The following USP47 variants were observed in gnomAD, a reference collection of about 807,000 sequenced individuals.
USP47 encodes the protein ubiquitin carboxyl-terminal hydrolase 47.
In USP47, 35 loss-of-function variants were observed where a neutral mutation model predicts 165.1. That is an observed-to-expected ratio of 0.21 (90% CI 0.16 to 0.28). The LOEUF is 0.28. Among genes scored for constraint, USP47 ranks in the 10% least tolerant of loss-of-function variants. The pLI is 1.00. For missense variants in USP47, 1,277 were observed against 1,607.4 expected, an observed-to-expected ratio of 0.79 and a Z score of 3.52; for synonymous variants, 531 against 544.5, an observed-to-expected ratio of 0.98 and a Z score of 0.35.
rs1264702593 is a variant in USP47, at chr11:11,880,290, A to G, written c.153A>G (p.Arg51=). The G allele has an allele frequency of 7.0e-7, 1 of 1,426,168 alleles. No individual in the cohort carries two copies. The highest frequency in any genetic ancestry group is 2.8e-5 in the East Asian group (1 of 35,290). The allele number at this position is 1,426,168 out of a possible 1,614,324, so 88.3% of individuals were successfully genotyped here. ...ATTTACCAGCATCTACTCCAGTCAG[A>G]AAGCTCTTTGAAGATGTGGCCAACA... ...TLNLPASTPV[R]KLFEDVANKV... The change falls in exon 2 of 28, where the codon AGA becomes AGG. Residue 51 remains arginine, a synonymous_variant. Transcript: ENST00000527733.
Position 11,958,412 on chromosome 11 carries a change from T to C in USP47, c.*2237T>C, listed in dbSNP as rs1207353980. On this transcript the variant is annotated 3_prime_UTR_variant, in exon 28 of 28. Coordinates refer to ENST00000527733, the MANE Select transcript of USP47 (RefSeq NM_001282659.2). ...AGAGTGAAAACACAAAGTTGCACTT[T>C]AATAATTTCAATAAAAGCTAATCTG... is the stretch of plus-strand genomic sequence containing the variant. 1 of 152,246 alleles carries C rather than the reference T, an allele frequency of 6.6e-6. No individual in the cohort carries two copies. Among genetic ancestry groups the C allele is most frequent in the Non-Finnish European group, 1.5e-5 (1 of 68,044 alleles). The allele number at this position is 152,246 out of a possible 1,614,324, so 9.4% of individuals were successfully genotyped here.
At chr11:11,917,804 C>T (rs767573509) in intron 8 of USP47, among the ~76,000 whole-genome samples, 2 of 152,140 alleles carry the variant, frequency 1.3e-5, no homozygotes, top group Non-Finnish European at 2.9e-5. Context: ...ACAGTAATTA[C>T]ACAGTAGTGA....
intron 11 of USP47, among the ~76,000 whole-genome samples, chr11:11,925,454 A>G (rs543523568): frequency 6.6e-6 from 1 of 152,090 alleles, no homozygotes; most frequent in South Asian, 2.1e-4. Context: ...CTCCTTGGTT[A>G]AGTTTATTCC....
intron 1 of USP47, among the ~76,000 whole-genome samples, chr11:11,855,081 C>T (rs534181178): frequency 4.3e-4 from 64 of 148,794 alleles, no homozygotes; most frequent in African/African-American, 1.5e-3. Context: ...GGCGACAGAG[C>T]GAGACTCCGT....
At chr11:11,936,613 G>T in intron 17 of USP47, 103 bp downstream of exon 17, 1 of 959,740 alleles carries the variant, frequency 1.0e-6, no homozygotes. Flanking sequence ...TTTTGTATAT[G>T]GTCTTAAAAT....
intron 5 of USP47, 32 bp downstream of exon 5, chr11:11,897,725 T>C: frequency 2.1e-6 from 3 of 1,429,286 alleles, no homozygotes; most frequent in Non-Finnish European, 2.9e-6. Context: ...ATACATAAAA[T>C]TGATTTAAGA....
intron 3 of USP47, chr11:11,884,810 A>ATAC (rs1446986085): frequency 2.7e-6 from 1 of 377,314 alleles, no homozygotes; most frequent in African/African-American, 2.1e-5. Flanking sequence ...GATTTAACAT[A>ATAC]TACTGCTGTC....
intron 14 of USP47, among the ~76,000 whole-genome samples, 157 bp from the exon 15 acceptor site, chr11:11,932,847 C>A (rs1241354149): frequency 6.6e-6 from 1 of 151,988 alleles, no homozygotes; most frequent in Admixed American, 6.6e-5. Flanking sequence ...CTTTTCTGGA[C>A]GAAGCTTGTA....
At chr11:11,884,402 A>G (rs958683838) in intron 2 of USP47, 65 bp from the exon 3 acceptor site, 59 of 1,145,142 alleles carry the variant, frequency 5.2e-5, no homozygotes, top group Admixed American at 2.8e-4. Flanking sequence ...GTAGATATGT[A>G]TCTATTTACA....
At chr11:11,948,429 GT>G in intron 21 of USP47, 48 bp from the exon 22 acceptor site, 1 of 1,498,108 alleles carries the variant, frequency 6.7e-7, no homozygotes, top group Middle Eastern at 1.7e-4. Flanking sequence ...AGAATGGGTT[GT>G]TTATTCTGCT....
intron 1 of USP47, among the ~76,000 whole-genome samples, chr11:11,845,358 A>G (rs539687130): frequency 6.6e-6 from 1 of 151,848 alleles, no homozygotes; most frequent in South Asian, 2.1e-4. Flanking sequence ...CTTCATACAC[A>G]TTTTTCCATA....
chr11:11,914,200 G>T (rs1853238527), intron 8 of USP47, among the ~76,000 whole-genome samples: 1 of 152,062 alleles, frequency 6.6e-6, no homozygotes, highest in Non-Finnish European at 1.5e-5. Context: ...TATTGGTAGA[G>T]GGGTAGGCAA....
At chr11:11,929,049 T>C (rs928320604) in intron 11 of USP47, among the ~76,000 whole-genome samples, 7 of 152,008 alleles carry the variant, frequency 4.6e-5, no homozygotes, top group African/African-American at 1.7e-4. Flanking sequence ...GAAATAGAAT[T>C]TGAATAAGAA....
chr11:11,954,780 T>G (rs551236241), intron 25 of USP47, 117 bp from the exon 26 acceptor site: 1 of 1,212,894 alleles, frequency 8.2e-7, no homozygotes, highest in Non-Finnish European at 1.1e-6. Flanking sequence ...TTCTTAATTT[T>G]TTTACATGAA....
Position 11,943,234 on chromosome 11 carries a change from A to G in USP47, c.3091+122A>G, listed in dbSNP as rs1453938006. 6.1e-6 allele frequency: 7 copies of G among 1,148,216 alleles called. No homozygotes were observed. The East Asian group carries it at 1.8e-4, about 29-fold the overall frequency. 71.1% of individuals were successfully genotyped at this position (1,148,216 alleles called of 1,614,324 possible). A position where few individuals can be genotyped will look rare whatever the true frequency, so the allele number is the denominator to read the frequency against. ...GATCATTTGTAACTTTCTGGATTAT[A>G]AGATTATTGACGCAGTTGTAATGAA... On this transcript the variant is annotated intron_variant, in intron 20 of 27. Coordinates refer to ENST00000527733, the MANE Select transcript of USP47 (RefSeq NM_001282659.2).
chr11:11,946,671 G>A (rs1471290702), intron 20 of USP47, among the ~76,000 whole-genome samples: 1 of 152,156 alleles, frequency 6.6e-6, no homozygotes, highest in Non-Finnish European at 1.5e-5. Context: ...TCGTTGGATA[G>A]CATAGACAGA....
chr11:11,899,409 C>G (rs1852056010), intron 5 of USP47, among the ~76,000 whole-genome samples: 1 of 152,204 alleles, frequency 6.6e-6, no homozygotes, highest in Non-Finnish European at 1.5e-5. Flanking sequence ...GCTAGGCATT[C>G]TTTTAGGTAT....
At chr11:11,926,808 G>A (rs1854284032) in intron 11 of USP47, among the ~76,000 whole-genome samples, 1 of 144,258 alleles carries the variant, frequency 6.9e-6, no homozygotes, top group Non-Finnish European at 1.5e-5. Context: ...GATTTGAGAT[G>A]TCTTCTTTTT....
At chr11:11,903,061 A>T (rs1308937719) in intron 6 of USP47, among the ~76,000 whole-genome samples, 1 of 152,184 alleles carries the variant, frequency 6.6e-6, no homozygotes, top group Non-Finnish European at 1.5e-5. Flanking sequence ...CATAAAGCAT[A>T]TATTATTTAT....
Sources: gnomAD v4.1 joint callset for allele counts (sites outside exome capture counted in the v4.1 genomes callset) on GRCh38, gnomAD v4.1.1 for gene constraint, MANE v1.5 for transcripts, NCBI Gene and HGNC (gene_info 2026-07-23, HGNC 2026-07-21) for gene names.